Variants in TM7SF3 observed in about 807,000 individuals in gnomAD.
The protein encoded by TM7SF3 is seven span transmembrane protein.
TM7SF3 carries 60 observed loss-of-function variants against 65.5 expected under a neutral mutation model. The ratio of observed to expected loss-of-function variants is 0.92; its 90% confidence interval spans 0.74 to 1.14. TM7SF3 has a LOEUF of 1.14. Ranked by LOEUF, TM7SF3 falls within the 50% of genes most tolerant of loss-of-function variation. TM7SF3 has a pLI of 0.00. For missense variants in TM7SF3, 623 were observed against 684.8 expected, an observed-to-expected ratio of 0.91 and a Z score of 1.01; for synonymous variants, 264 against 259.6, an observed-to-expected ratio of 1.02 and a Z score of -0.16.
chr12:26,987,433 C>A (rs936088990), intron 6 of TM7SF3, among the ~76,000 whole-genome samples: 1 of 152,204 alleles, frequency 6.6e-6, no homozygotes, highest in Non-Finnish European at 1.5e-5. Flanking sequence ...AACCCCTCAT[C>A]CAATCCATCA....
At position 26,979,808 on chromosome 12, in the gene TM7SF3, A is replaced by T. The variant is rs574400506; in HGVS notation, c.1165T>A (p.Ser389Thr). The part of the protein sequence containing the change: ...VGLVLGFLIS[S>T]VTFFTPLGNL... ...CCCAGTGGAGTAAAGAAAGTCACTG[A>T]CGAGATGAGGAACCCCAGCACTAGT... Residue 389 changes from serine (S) to threonine (T), a missense_variant, in exon 9 of 12, where the codon TCA (serine) becomes ACA (threonine). Coordinates refer to ENST00000343028, the MANE Select transcript of TM7SF3 (RefSeq NM_016551.3). 5.6e-6 allele frequency: 9 copies of T among 1,614,100 alleles called. No homozygotes were observed. The highest frequency in any genetic ancestry group is 7.6e-6 in the Non-Finnish European group (9 of 1,179,998).
chr12:26,994,038 G>C (rs768131068), intron 5 of TM7SF3, among the ~76,000 whole-genome samples: 10 of 152,028 alleles, frequency 6.6e-5, no homozygotes, highest in Admixed American at 1.3e-4. Context: ...TAGTCTTTGA[G>C]GGTTTCCCCA....
At chr12:26,975,816 A>G (rs919723345) in intron 10 of TM7SF3, 158 bp from the exon 11 acceptor site, 1 of 696,856 alleles carries the variant, frequency 1.4e-6, no homozygotes, top group African/African-American at 1.8e-5. Context: ...CTGGAAAGAT[A>G]AACTGAAAAC....
rs879759268 is a variant in TM7SF3 at position 26,977,918 on chromosome 12, T to C, written c.1190-1561A>G. 4 of 307,292 alleles carry C rather than the reference T, an allele frequency of 1.3e-5. No individual in the cohort carries two copies. In the Admixed American group the frequency reaches 1.3e-4, roughly 10 times the overall value. The allele number at this position is 307,292 out of a possible 1,614,324, so 19.0% of individuals were successfully genotyped here. ...AGTTTAAGACCACCCTAGGCAACAG[T>C]GAGACTCTGTCTCTACTAAAAATAA... On this transcript the variant is annotated intron_variant, in intron 9 of 11. Coordinates refer to ENST00000343028, the MANE Select transcript of TM7SF3 (RefSeq NM_016551.3).
intron 9 of TM7SF3, among the ~76,000 whole-genome samples, chr12:26,977,327 G>T (rs552444401): frequency 3.9e-5 from 6 of 152,230 alleles, no homozygotes; most frequent in Admixed American, 3.3e-4. Flanking sequence ...AAATAGTTAC[G>T]ATGCATGCAT....
intron 9 of TM7SF3, 50 bp from the exon 10 acceptor site, chr12:26,976,407 G>T (rs1379113626): frequency 1.5e-6 from 2 of 1,325,070 alleles, no homozygotes; most frequent in Non-Finnish European, 2.2e-6. Context: ...TACCAAGTTA[G>T]AGTTGGTTTC....
intron 1 of TM7SF3, among the ~76,000 whole-genome samples, chr12:27,010,140 G>A (rs1313900497): frequency 6.6e-6 from 1 of 152,206 alleles, no homozygotes; most frequent in Non-Finnish European, 1.5e-5. Context: ...AAGTAAAATT[G>A]AGGTAACTGT....
intron 3 of TM7SF3, among the ~76,000 whole-genome samples, chr12:26,997,143 C>T (rs1174910596): frequency 6.6e-6 from 1 of 152,190 alleles, no homozygotes; most frequent in Non-Finnish European, 1.5e-5. Context: ...TAACTACCCA[C>T]CCCAGTCCTT....
intron 1 of TM7SF3, 66 bp from the exon 2 acceptor site, chr12:27,003,456 C>T: frequency 1.4e-6 from 2 of 1,428,608 alleles, no homozygotes; most frequent in East Asian, 2.3e-5. Flanking sequence ...AAATCATATT[C>T]ATAAATGAAT....
At chr12:26,977,777 TG>T (rs1939633244) in intron 9 of TM7SF3, among the ~76,000 whole-genome samples, 1 of 150,812 alleles carries the variant, frequency 6.6e-6, no homozygotes, top group African/African-American at 2.4e-5. Flanking sequence ...TGTGTGTGTG[TG>T]TGTGTGTGTG....
rs894239060 is a variant in TM7SF3, at chr12:26,976,055, G to GA, written c.1287+204dup. ...ATTGACTGTGATGCTCCATTTGGTG[G>GA]AAAAAAAAGAAAAAAACAAACACCA... On this transcript the variant is annotated intron_variant, in intron 10 of 11. Coordinates refer to ENST00000343028, the MANE Select transcript of TM7SF3 (RefSeq NM_016551.3). Among the ~76,000 whole-genome samples, 10 of 151,380 alleles carry GA rather than the reference G, an allele frequency of 6.6e-5. No individual in the cohort carries two copies. In the South Asian group the frequency reaches 8.4e-4, roughly 13 times the overall value.
intron 11 of TM7SF3, among the ~76,000 whole-genome samples, chr12:26,974,708 C>T (rs958888458): frequency 6.6e-6 from 1 of 152,184 alleles, no homozygotes; most frequent in Non-Finnish European, 1.5e-5. Flanking sequence ...ACCAATCGTA[C>T]TCAGCTTCTA....
chr12:26,991,278 C>A (rs61923435), intron 5 of TM7SF3, among the ~76,000 whole-genome samples: 2 of 151,378 alleles, frequency 1.3e-5, no homozygotes, highest in Admixed American at 6.6e-5. Context: ...TCAGCCTCCC[C>A]AGTAGCTGGG....
At chr12:26,983,040 A>C (rs544287344) in intron 6 of TM7SF3, among the ~76,000 whole-genome samples, 181 bp from the exon 7 acceptor site, 1 of 152,168 alleles carries the variant, frequency 6.6e-6, no homozygotes, top group Admixed American at 6.5e-5. Context: ...CTATGTAGAC[A>C]ATCAATATCA....
chr12:27,012,458 A>C (rs2136464183), intron 1 of TM7SF3, among the ~76,000 whole-genome samples: 1 of 152,352 alleles, frequency 6.6e-6, no homozygotes, highest in South Asian at 2.1e-4. Context: ...TTCAAAGATA[A>C]GTGCATAGCA....
intron 5 of TM7SF3, among the ~76,000 whole-genome samples, chr12:26,991,287 G>T (rs1002464011): frequency 2.6e-5 from 4 of 151,264 alleles, no homozygotes; most frequent in African/African-American, 9.7e-5. Context: ...CCAGTAGCTG[G>T]GACTACAGGC....
chr12:27,006,246 T>G (rs1250852589), intron 1 of TM7SF3, among the ~76,000 whole-genome samples: 1 of 149,694 alleles, frequency 6.7e-6, no homozygotes, highest in African/African-American at 2.5e-5. Flanking sequence ...CAAGCAATTC[T>G]CCTGCCTCAA....
chr12:26,975,746 A>C (rs1939538150), intron 10 of TM7SF3, 88 bp from the exon 11 acceptor site: 1 of 1,383,682 alleles, frequency 7.2e-7, no homozygotes, highest in Non-Finnish European at 9.9e-7. Context: ...ACAGGCAATC[A>C]CATCTGCTCC....
chr12:26,996,061 C>T (rs1414366955), intron 4 of TM7SF3, among the ~76,000 whole-genome samples: 1 of 151,818 alleles, frequency 6.6e-6, no homozygotes, highest in Non-Finnish European at 1.5e-5. Context: ...TGCCTGTAAT[C>T]CCAGCACTTT....
Sources: gnomAD v4.1 joint callset for allele counts (sites outside exome capture counted in the v4.1 genomes callset) on GRCh38, gnomAD v4.1.1 for gene constraint, MANE v1.5 for transcripts, NCBI Gene and HGNC (gene_info 2026-07-23, HGNC 2026-07-21) for gene names.